Variants in CHN2 observed in about 807,000 individuals in gnomAD.
CHN2 encodes beta-chimaerin.
In CHN2, 35 loss-of-function variants were observed where a neutral mutation model predicts 56.3. The ratio of observed to expected loss-of-function variants is 0.62; its 90% CI spans 0.47 to 0.82. The LOEUF is 0.82. Among genes scored for constraint, CHN2 ranks in the 40% least tolerant of loss-of-function variants. The pLI is 0.00. For synonymous variants in CHN2, 210 were observed against 212.8 expected (o/e 0.99, Z 0.12); for missense variants, 491 against 580.5 (o/e 0.85, Z 1.58).
intron 1 of CHN2, among the ~76,000 whole-genome samples, chr7:29,240,831 G>GTCT (rs925707221): frequency 6.6e-6 from 1 of 151,108 alleles, no homozygotes; most frequent in Non-Finnish European, 1.5e-5. Context: ...CGTCGTCGTC[G>GTCT]TCGTCTTCGT....
intron 7 of CHN2, among the ~76,000 whole-genome samples, chr7:29,491,983 C>A (rs1788713228): frequency 6.6e-6 from 1 of 152,176 alleles, no homozygotes; most frequent in South Asian, 2.1e-4. Flanking sequence ...TTGCTCACCA[C>A]TGCTTCTGGA....
intron 2 of CHN2, among the ~76,000 whole-genome samples, chr7:29,158,951 T>C (rs112348653): frequency 2.7e-4 from 41 of 152,324 alleles, no homozygotes; most frequent in African/African-American, 9.6e-4. Flanking sequence ...GATTTCCAAA[T>C]AAGATACCCT....
chr7:29,395,114 C>T (rs1344880902), intron 4 of CHN2, among the ~76,000 whole-genome samples: 2 of 152,194 alleles, frequency 1.3e-5, no homozygotes, highest in African/African-American at 4.8e-5. Context: ...TCACAAGAAA[C>T]TATTGACAAT....
intron 1 of CHN2, among the ~76,000 whole-genome samples, chr7:29,310,615 G>A (rs746484697): frequency 3.9e-5 from 6 of 152,142 alleles, no homozygotes; most frequent in Admixed American, 1.3e-4. Flanking sequence ...GTTCATTTGG[G>A]CTGCTATAAC....
chr7:29,430,058 C>T (rs532699917), intron 6 of CHN2, among the ~76,000 whole-genome samples: 33 of 152,280 alleles, frequency 2.2e-4, no homozygotes, highest in African/African-American at 6.5e-4. Flanking sequence ...GAAAGAAACA[C>T]GCTTTGCATA....
chr7:29,467,391 G>A (rs572188817), intron 6 of CHN2, among the ~76,000 whole-genome samples: 3 of 152,184 alleles, frequency 2.0e-5, no homozygotes, highest in Non-Finnish European at 4.4e-5. Context: ...CTTGTGCAAT[G>A]TGGGAGAGCA....
intron 1 of CHN2, among the ~76,000 whole-genome samples, chr7:29,232,750 T>G (rs752052320): frequency 2.0e-5 from 3 of 152,232 alleles, no homozygotes; most frequent in Non-Finnish European, 4.4e-5. Context: ...AGTTGTTGAA[T>G]GCTCATTGAA....
At chr7:29,393,988 A>AT (rs896099928) in intron 4 of CHN2, among the ~76,000 whole-genome samples, 3 of 152,172 alleles carry the variant, frequency 2.0e-5, no homozygotes, top group African/African-American at 7.2e-5. Context: ...GGAAGGCAGC[A>AT]TTTTTCATAA....
At chr7:29,501,052 T>C (rs1267590057) in intron 9 of CHN2, among the ~76,000 whole-genome samples, 2 of 152,256 alleles carry the variant, frequency 1.3e-5, no homozygotes, top group African/African-American at 4.8e-5. Context: ...TTATACTGGC[T>C]ATCCATTATT....
At chr7:29,252,596 T>TTGTTTTGTTTTG (rs1788703540) in intron 1 of CHN2, among the ~76,000 whole-genome samples, 1 of 30,018 alleles carries the variant, frequency 3.3e-5, no homozygotes, top group African/African-American at 3.2e-4. Flanking sequence ...TTTTTTTTTT[T>TTGTTTTGTTTTG]TTTTTTTTTT....
chr7:29,462,669 G>C (rs12700963), intron 6 of CHN2, among the ~76,000 whole-genome samples: 52,217 of 151,976 alleles, frequency 0.34, 9,182 homozygotes, highest in African/African-American at 0.41. Flanking sequence ...ACAGCTCATG[G>C]CTCCAATGCA....
intron 1 of CHN2, among the ~76,000 whole-genome samples, chr7:29,334,771 C>CA (rs949419912): frequency 4.4e-4 from 67 of 151,840 alleles, no homozygotes; most frequent in African/African-American, 1.6e-3. Flanking sequence ...AACAAACAAA[C>CA]AACAACAAAA....
At chr7:29,388,856 T>C (rs1426912074) in intron 3 of CHN2, among the ~76,000 whole-genome samples, 1 of 152,210 alleles carries the variant, frequency 6.6e-6, no homozygotes, top group Non-Finnish European at 1.5e-5. Context: ...GTGTGGACTG[T>C]GGATAGTAGG....
rs5883217 is a variant in CHN2, at chr7:29,494,950, TAAAAAAA to T, written c.655-977_655-971del. Among the ~76,000 whole-genome samples the T allele has an allele frequency of 9.3e-3, 602 of 64,664 alleles. 9 individuals are homozygous for T. Among genetic ancestry groups the T allele is most frequent in the African/African-American group, 0.03 (543 of 18,320 alleles). The allele number at this position is 64,664 out of a possible 152,430, so 42.4% of individuals were successfully genotyped here. A position where few individuals can be genotyped will look rare whatever the true frequency, so the allele number is the denominator to read the frequency against. On this transcript the variant is annotated intron_variant, in intron 7 of 12. Coordinates refer to ENST00000222792, the MANE Select transcript of CHN2 (RefSeq NM_004067.4). ...TTTTTTGTTAAATAAAAGCAGTTTG[TAAAAAAA>T]AAAAAAAAAAAAAAAAAAAAAAAAT... is the stretch of plus-strand genomic sequence containing the variant.
intron 6 of CHN2, among the ~76,000 whole-genome samples, chr7:29,434,644 C>T (rs1783091367): frequency 6.6e-6 from 1 of 152,132 alleles, no homozygotes; most frequent in South Asian, 2.1e-4. Flanking sequence ...TCCAATATGA[C>T]CTCATCTTAA....
chr7:29,460,817 C>A (rs3793259), intron 6 of CHN2, among the ~76,000 whole-genome samples: 45,472 of 152,112 alleles, frequency 0.3, 6,923 homozygotes, highest in East Asian at 0.35. Context: ...GCGGATCGGG[C>A]TTCTGGAAGC....
intron 3 of CHN2, among the ~76,000 whole-genome samples, chr7:29,373,880 C>T (rs1477953902): frequency 6.6e-6 from 1 of 152,150 alleles, no homozygotes; most frequent in Non-Finnish European, 1.5e-5. Flanking sequence ...TTCTACCATT[C>T]CACAGTTCTC....
chr7:29,264,782 C>T (rs1005645416), intron 1 of CHN2, among the ~76,000 whole-genome samples: 5 of 148,882 alleles, frequency 3.4e-5, no homozygotes, highest in Non-Finnish European at 4.4e-5. Context: ...TCCCCCTCTC[C>T]GAGAGACACC....
intron 2 of CHN2, chr7:29,147,114 C>T: frequency 1.9e-6 from 2 of 1,042,150 alleles, no homozygotes; most frequent in Non-Finnish European, 2.7e-6. Context: ...TCCAGGGTCA[C>T]ATTGCTTGTA....
Sources: gnomAD v4.1 joint callset for allele counts (sites outside exome capture counted in the v4.1 genomes callset) on GRCh38, gnomAD v4.1.1 for gene constraint, MANE v1.5 for transcripts, NCBI Gene and HGNC (gene_info 2026-07-23, HGNC 2026-07-21) for gene names.